The following PKD2L1 variants were observed in gnomAD, a reference collection of about 807,000 sequenced individuals.
The protein encoded by PKD2L1 is polycystin 2 like 1, transient receptor potential cation channel.
In PKD2L1, 77 loss-of-function variants were observed where a neutral mutation model predicts 93.0. That is an observed-to-expected ratio of 0.83 (90% CI 0.69 to 1.00). The LOEUF (loss-of-function observed/expected upper bound fraction) is 1.00, where lower values mean the gene tolerates loss of function less well. Ranked by LOEUF, PKD2L1 falls within the 50% of genes least tolerant of loss-of-function variation. The probability of loss-of-function intolerance (pLI) is 0.00; values close to 1 mark genes in which losing one functional copy is unlikely to be tolerated. For missense variants in PKD2L1, 977 were observed against 990.9 expected, an observed-to-expected ratio of 0.99 and a Z score of 0.19; for synonymous variants, 390 against 388.0, an observed-to-expected ratio of 1.01 and a Z score of -0.06.
intron 2 of PKD2L1, among the ~76,000 whole-genome samples, chr10:100,301,545 G>A (rs543299464): frequency 1.9e-4 from 29 of 151,288 alleles, no homozygotes; most frequent in African/African-American, 6.3e-4. Flanking sequence ...TATCTTACCC[G>A]TTTTCAGTAA....
rs571288404 is a variant in PKD2L1, at chr10:100,299,758, C to G, written c.350-40G>C. On this transcript the variant is annotated intron_variant, in intron 2 of 15. Coordinates refer to ENST00000318222, the MANE Select transcript of PKD2L1 (RefSeq NM_016112.3). ...AAGAGGCTATGTCCTTCTCACTGTTCCCCCAGAGGAGACAGGAAAGCCTAT... is the reference window on the plus strand; with the variant it reads ...AAGAGGCTATGTCCTTCTCACTGTTGCCCCAGAGGAGACAGGAAAGCCTAT... The G allele has an allele frequency of 1.8e-5, 29 of 1,599,288 alleles. No individual in the cohort carries two copies. The South Asian group carries it at 3.0e-4, about 16-fold the overall frequency.
intron 2 of PKD2L1, among the ~76,000 whole-genome samples, chr10:100,309,351 A>G (rs1848879024): frequency 6.6e-6 from 1 of 150,408 alleles, no homozygotes; most frequent in African/African-American, 2.4e-5. Flanking sequence ...ATTCTCATGG[A>G]TATTCTTATA....
Position 100,294,413 on chromosome 10 carries a change from C to T in PKD2L1, c.1659+122G>A, listed in dbSNP as rs116350933. 3,598 of 1,014,120 alleles carry T rather than the reference C, an allele frequency of 3.5e-3. 60 individuals are homozygous for T. The highest frequency in any genetic ancestry group is 0.028 in the South Asian group (2,002 of 70,574). 62.8% of individuals were successfully genotyped at this position (1,014,120 alleles called of 1,614,324 possible). A position where few individuals can be genotyped will look rare whatever the true frequency, so the allele number is the denominator to read the frequency against. Reference sequence around the variant, plus strand: ...ATCTCTCAGAAGATCCAGACATCGGCCCCCCCACTCACTCTCCATCCTTGA... The same window carrying T: ...ATCTCTCAGAAGATCCAGACATCGGTCCCCCCACTCACTCTCCATCCTTGA... On this transcript the variant is annotated intron_variant, in intron 9 of 15. Coordinates refer to ENST00000318222, the MANE Select transcript of PKD2L1 (RefSeq NM_016112.3).
At position 100,293,315 on chromosome 10, in the gene PKD2L1, T is replaced by A; in HGVS notation, c.1724A>T (p.Lys575Met). 1 of 1,613,600 alleles carries A rather than the reference T, an allele frequency of 6.2e-7. No homozygotes were observed. The highest frequency in any genetic ancestry group is 8.5e-7 in the Non-Finnish European group (1 of 1,179,452). Reference protein sequence around the residue: ...SEVKEELAGQKDELQLSDLLK... With the variant: ...SEVKEELAGQMDELQLSDLLK... ...GAGGTCAGAAAGTTGCAGCTCATCC[T>A]TCTGTCCAGCCAGCTCCTCCTTGAC... The change falls in exon 10 of 16, where the codon AAG becomes ATG. Residue 575 changes from lysine (K) to methionine (M), a missense_variant. Physicochemically the swap from Lys to Met is moderately conservative, Grantham distance 95. Transcript: ENST00000318222.
intron 2 of PKD2L1, among the ~76,000 whole-genome samples, chr10:100,310,457 A>G (rs1848907991): frequency 6.6e-6 from 1 of 152,266 alleles, no homozygotes. Context: ...GAGCAAGTCA[A>G]CTGATGATGA....
Position 100,297,141 on chromosome 10 carries a change from T to C in PKD2L1, c.1024A>G (p.Ile342Val). The change falls in exon 6 of 16, where the codon ATC becomes GTC. Residue 342 changes from isoleucine to valine, a missense_variant. Transcript: ENST00000318222. Reference sequence around the variant, plus strand: ...AAGTCCCAGTTGCTGACATAGCGGATCAGCTTGACTGTGCGGATTTGCCAG... The same window carrying C: ...AAGTCCCAGTTGCTGACATAGCGGACCAGCTTGACTGTGCGGATTTGCCAG... ...PSWQIRTVKL[I>V]RYVSNWDFFI... is the part of the protein sequence containing the mutation. The C allele has an allele frequency of 6.2e-7, 1 of 1,614,192 alleles. No individual in the cohort carries two copies. Among genetic ancestry groups the C allele is most frequent in the South Asian group, 1.1e-5 (1 of 91,084 alleles).
At chr10:100,318,521 CT>C (rs535608372) in intron 2 of PKD2L1, among the ~76,000 whole-genome samples, 470 of 139,612 alleles carry the variant, frequency 3.4e-3, no homozygotes, top group Admixed American at 5.5e-3. Context: ...TTTTTCTTTT[CT>C]TTTTTTTTTT....
rs114231758 is a variant in PKD2L1 at position 100,305,257 on chromosome 10, G to A, written c.350-5539C>T. ...CTCCTGAGTAGCTGGGATTACGGGC[G>A]CCCGGCACCATACCTGGCTAATTTT... is the stretch of plus-strand genomic sequence containing the variant. On this transcript the variant is annotated intron_variant, in intron 2 of 15. Transcript: ENST00000318222. 6.7e-3 allele frequency among the ~76,000 whole-genome samples: 1,014 copies of A among 151,900 alleles called. 15 individuals are homozygous for A. The highest frequency in any genetic ancestry group is 0.023 in the African/African-American group (967 of 41,416).
intron 2 of PKD2L1, among the ~76,000 whole-genome samples, chr10:100,321,705 AAGAAAGAAAGAAAGAAAGAAAG>A (rs1849239146): frequency 2.0e-4 from 1 of 4,936 alleles, no homozygotes; most frequent in Non-Finnish European, 4.8e-4. Context: ...GAAAGAAAGA[AAGAAAGAAAGAAAGAAAGAAAG>A]AAAGAAAGAA....
rs770405338 is a variant in PKD2L1 at position 100,330,110 on chromosome 10, T to C, written c.-7A>G. On this transcript the variant is annotated 5_prime_UTR_variant, in exon 1 of 16. Coordinates refer to ENST00000318222, the MANE Select transcript of PKD2L1 (RefSeq NM_016112.3). Reference sequence around the variant, plus strand: ...GACTTCCCACAGCATTCATGGGGAATGAGGTGGGGGGGCCCGGTACCCCAG... The same window carrying C: ...GACTTCCCACAGCATTCATGGGGAACGAGGTGGGGGGGCCCGGTACCCCAG... 6.5e-7 allele frequency: 1 copy of C among 1,542,226 alleles called. No individual in the cohort carries two copies. Among genetic ancestry groups the C allele is most frequent in the Non-Finnish European group, 8.8e-7 (1 of 1,135,142 alleles).
intron 2 of PKD2L1, among the ~76,000 whole-genome samples, chr10:100,316,242 A>G (rs1244620871): frequency 1.3e-5 from 2 of 152,186 alleles, no homozygotes; most frequent in African/African-American, 4.8e-5. Flanking sequence ...GCACGATCTC[A>G]GCTCATTGCA....
intron 4 of PKD2L1, 145 bp downstream of exon 4, chr10:100,298,417 G>T (rs951632843): frequency 1.3e-6 from 1 of 793,602 alleles, no homozygotes; most frequent in Non-Finnish European, 2.0e-6. Context: ...AACAGTCACA[G>T]CTGGGATTCA....
Position 100,290,091 on chromosome 10 carries a change from A to G in PKD2L1, c.2174T>C (p.Val725Ala). Residue 725 changes from valine (V) to alanine (A), a missense_variant, in exon 14 of 16, where the codon GTG (valine) becomes GCG (alanine). Coordinates refer to ENST00000318222, the MANE Select transcript of PKD2L1 (RefSeq NM_016112.3). ...LQLETVLEGV[V>A]SQIDAVGSKL... ...TGAGCCTACAGCATCAATCTGGGAC[A>G]CTACTCCTTCCAGGACAGTCTCCAG... 6.2e-7 allele frequency: 1 copy of G among 1,614,082 alleles called. No homozygotes were observed. Among genetic ancestry groups the G allele is most frequent in the Non-Finnish European group, 8.5e-7 (1 of 1,179,964 alleles).
At chr10:100,292,225 C>T (rs1188567891) in intron 11 of PKD2L1, among the ~76,000 whole-genome samples, 5 of 152,104 alleles carry the variant, frequency 3.3e-5, no homozygotes, top group Non-Finnish European at 5.9e-5. Flanking sequence ...CATTTAATTA[C>T]GTTGTCTCCT....
chr10:100,293,417 G>A, intron 9 of PKD2L1, 38 bp from the exon 10 acceptor site: 1 of 1,314,516 alleles, frequency 7.6e-7, no homozygotes, highest in South Asian at 1.2e-5. Flanking sequence ...CTCACCCCCA[G>A]ACCCACTGAA....
intron 2 of PKD2L1, among the ~76,000 whole-genome samples, chr10:100,317,243 AC>A (rs1455143852): frequency 6.6e-5 from 10 of 152,062 alleles, no homozygotes; most frequent in Admixed American, 5.9e-4. Context: ...TTTCAAACAA[AC>A]CCCCCAAAAA....
chr10:100,314,673 T>TC (rs1849023424), intron 2 of PKD2L1, among the ~76,000 whole-genome samples: 1 of 152,070 alleles, frequency 6.6e-6, no homozygotes, highest in Non-Finnish European at 1.5e-5. Context: ...ACTTTACACA[T>TC]CCTTCTAGTG....
intron 2 of PKD2L1, among the ~76,000 whole-genome samples, chr10:100,325,472 A>G (rs140485065): frequency 1.9e-3 from 295 of 152,318 alleles, no homozygotes; most frequent in African/African-American, 6.9e-3. Flanking sequence ...AACTAGTATT[A>G]GTATTATCTT....
chr10:100,325,141 G>A (rs769420046), intron 2 of PKD2L1, among the ~76,000 whole-genome samples: 6 of 152,144 alleles, frequency 3.9e-5, no homozygotes, highest in Non-Finnish European at 5.9e-5. Flanking sequence ...TCCCAATTCC[G>A]ATACTGCAGA....
Sources: gnomAD v4.1 joint callset for allele counts (sites outside exome capture counted in the v4.1 genomes callset) on GRCh38, gnomAD v4.1.1 for gene constraint, MANE v1.5 for transcripts, NCBI Gene and HGNC (gene_info 2026-07-23, HGNC 2026-07-21) for gene names.